The following CRIM1 variants were observed in gnomAD, a reference collection of about 807,000 sequenced individuals.
CRIM1 encodes the protein cysteine rich transmembrane BMP regulator 1.
In CRIM1, 32 loss-of-function variants were observed where a neutral mutation model predicts 116.4. The observed-to-expected ratio is 0.27, with a 90% CI of 0.21 to 0.37. CRIM1 has a LOEUF of 0.37. Ranked by LOEUF, CRIM1 falls within the 10% of genes least tolerant of loss-of-function variation. The pLI, the probability that CRIM1 is intolerant of heterozygous loss-of-function variation, is 1.00. For synonymous variants in CRIM1, 590 were observed against 509.2 expected (o/e 1.16, Z -2.13); for missense variants, 1,331 against 1,354.8 (o/e 0.98, Z 0.28).
chr2:36,441,410 A>G lies in CRIM1; in HGVS notation c.658A>G (p.Lys220Glu). 1.9e-6 allele frequency: 3 copies of G among 1,614,160 alleles called. No individual in the cohort carries two copies. Among genetic ancestry groups the G allele is most frequent in the Non-Finnish European group, 2.5e-6 (3 of 1,180,026 alleles). Residue 220 changes from lysine to glutamate, a missense_variant, in exon 3 of 17, where the codon AAA (lysine) becomes GAA (glutamate). Physicochemically the swap from Lys to Glu is moderately conservative, Grantham distance 56. This residue lies in a region of CRIM1 where 690 missense variants were observed against 676.0 expected (regional missense o/e 1.02). Coordinates refer to ENST00000280527, the MANE Select transcript of CRIM1 (RefSeq NM_016441.3). ...CVCNPAGCLRKVCQPGNLNIL... is the reference protein window; with the variant it reads ...CVCNPAGCLREVCQPGNLNIL... Reference sequence around the variant, plus strand: ...GTGCAACCCCGCAGGCTGTCTGCGCAAAGTCTGCCAGCCGGGAAACCTGAA... The same window carrying G: ...GTGCAACCCCGCAGGCTGTCTGCGCGAAGTCTGCCAGCCGGGAAACCTGAA...
intron 11 of CRIM1, among the ~76,000 whole-genome samples, chr2:36,516,339 G>A (rs185035202): frequency 7.6e-4 from 115 of 152,180 alleles, no homozygotes; most frequent in African/African-American, 2.3e-3. Flanking sequence ...CTTTCTCGGC[G>A]GGATTCAACA....
At chr2:36,535,104 A>AGAGGGAAG (rs1371783627) in intron 13 of CRIM1, among the ~76,000 whole-genome samples, 3 of 118,432 alleles carry the variant, frequency 2.5e-5, no homozygotes, top group Non-Finnish European at 1.7e-5. Flanking sequence ...AATGAAGGAG[A>AGAGGGAAG]GAGGGAAGGA....
At chr2:36,533,410 G>A (rs1666252272) in intron 13 of CRIM1, among the ~76,000 whole-genome samples, 2 of 132,764 alleles carry the variant, frequency 1.5e-5, no homozygotes, top group African/African-American at 3.0e-5. Context: ...CCAACACAAT[G>A]AGACCCCATC....
At chr2:36,534,120 GA>G (rs1377935438) in intron 13 of CRIM1, among the ~76,000 whole-genome samples, 1 of 139,928 alleles carries the variant, frequency 7.1e-6, no homozygotes, top group African/African-American at 2.7e-5. Context: ...GGAAGGAGGG[GA>G]AAGGAGGGAA....
intron 2 of CRIM1, among the ~76,000 whole-genome samples, chr2:36,423,949 A>G (rs1176043300): frequency 2.0e-5 from 3 of 152,200 alleles, no homozygotes; most frequent in African/African-American, 7.2e-5. Flanking sequence ...AAGTGGTAGA[A>G]CAAACTAGGC....
intron 13 of CRIM1, among the ~76,000 whole-genome samples, chr2:36,533,554 A>C (rs966722035): frequency 6.6e-6 from 1 of 152,164 alleles, no homozygotes; most frequent in African/African-American, 2.4e-5. Context: ...TGATTGCACC[A>C]CTACACTCCA....
intron 7 of CRIM1, among the ~76,000 whole-genome samples, chr2:36,489,646 C>A (rs1440679848): frequency 6.6e-6 from 1 of 152,232 alleles, no homozygotes; most frequent in Non-Finnish European, 1.5e-5. Flanking sequence ...CTTCCTAACA[C>A]TGAGATCTGC....
intron 1 of CRIM1, among the ~76,000 whole-genome samples, chr2:36,370,687 A>G (rs1669886696): frequency 2.0e-5 from 3 of 152,186 alleles, no homozygotes; most frequent in African/African-American, 7.2e-5. Flanking sequence ...TTGAGTGATA[A>G]TATTTCTTGA....
chr2:36,497,345 G>A (rs143273642), intron 7 of CRIM1, among the ~76,000 whole-genome samples: 87 of 152,182 alleles, frequency 5.7e-4, no homozygotes, highest in African/African-American at 1.8e-3. Flanking sequence ...TGCCTTCTAC[G>A]CTCTCTCATA....
intron 7 of CRIM1, among the ~76,000 whole-genome samples, chr2:36,480,189 A>G (rs1046931308): frequency 1.3e-5 from 2 of 152,150 alleles, no homozygotes; most frequent in African/African-American, 2.4e-5. Context: ...TGGCTTTGCA[A>G]TTCCTCTAGT....
At chr2:36,436,568 A>C (rs182615671) in intron 2 of CRIM1, among the ~76,000 whole-genome samples, 161 of 152,336 alleles carry the variant, frequency 1.1e-3, no homozygotes, top group Non-Finnish European at 1.8e-3. Flanking sequence ...AAATCAGGTA[A>C]AAAATGGGAG....
chr2:36,358,766 C>A (rs1669026213), intron 1 of CRIM1, among the ~76,000 whole-genome samples: 1 of 145,402 alleles, frequency 6.9e-6, no homozygotes, highest in African/African-American at 2.7e-5. Context: ...AGGGCACTTC[C>A]TTTAAAAAAA....
chr2:36,362,138 A>T (rs1669265039), intron 1 of CRIM1, among the ~76,000 whole-genome samples: 2 of 152,092 alleles, frequency 1.3e-5, no homozygotes, highest in African/African-American at 4.8e-5. Flanking sequence ...AAGACTGCAA[A>T]AAGTCTATTA....
chr2:36,406,751 T>G (rs924866185), intron 2 of CRIM1, among the ~76,000 whole-genome samples: 5 of 152,176 alleles, frequency 3.3e-5, no homozygotes, highest in African/African-American at 1.2e-4. Flanking sequence ...GTGTACAGAT[T>G]CCTAAATTTT....
Position 36,470,734 on chromosome 2 carries a change from C to G in CRIM1, c.991+6079C>G, listed in dbSNP as rs1188289581. On this transcript the variant is annotated intron_variant, in intron 5 of 16. Transcript: ENST00000280527. The stretch of plus-strand genomic sequence containing the variant: ...TTGTTTTCGTGCCTAACACAACATC[C>G]ATTCTGCAGCCCATGGACCAAGGAG... 3.3e-5 allele frequency among the ~76,000 whole-genome samples: 5 copies of G among 152,208 alleles called. No homozygotes were observed. In the East Asian group the frequency reaches 7.7e-4, roughly 23 times the overall value.
rs538025105 is a variant in CRIM1 at position 36,459,249 on chromosome 2, C to T, written c.870-5285C>T. Among the ~76,000 whole-genome samples the T allele has an allele frequency of 7.2e-5, 11 of 152,240 alleles. No homozygotes were observed. The South Asian group carries it at 2.3e-3, about 32-fold the overall frequency. On this transcript the variant is annotated intron_variant, in intron 4 of 16. Coordinates refer to ENST00000280527, the MANE Select transcript of CRIM1 (RefSeq NM_016441.3). Reference sequence around the variant, plus strand: ...ATTCTGGAGCCGCTCCCCAAACCTGCAGAAAAACAATGTTTGAGTGGGTAC... The same window carrying T: ...ATTCTGGAGCCGCTCCCCAAACCTGTAGAAAAACAATGTTTGAGTGGGTAC...
At chr2:36,526,408 T>G (rs143453536) in intron 13 of CRIM1, among the ~76,000 whole-genome samples, 1 of 152,242 alleles carries the variant, frequency 6.6e-6, no homozygotes, top group Non-Finnish European at 1.5e-5. Flanking sequence ...TACTTAGCCA[T>G]GCAAGAGTGT....
At chr2:36,428,938 C>T (rs1194376785) in intron 2 of CRIM1, among the ~76,000 whole-genome samples, 8 of 152,212 alleles carry the variant, frequency 5.3e-5, no homozygotes, top group Admixed American at 3.3e-4. Flanking sequence ...GGTGTGGCCA[C>T]GTGACTGAGT....
chr2:36,398,831 T>C (rs779789428), intron 2 of CRIM1, among the ~76,000 whole-genome samples: 1 of 152,218 alleles, frequency 6.6e-6, no homozygotes, highest in Non-Finnish European at 1.5e-5. Context: ...TATTCAGGTA[T>C]ATATTGTATA....
Sources: gnomAD v4.1 joint callset for allele counts (sites outside exome capture counted in the v4.1 genomes callset) on GRCh38, gnomAD v4.1.1 for gene constraint, gnomAD v4.1.1 regional missense constraint, MANE v1.5 for transcripts, NCBI Gene and HGNC (gene_info 2026-07-23, HGNC 2026-07-21) for gene names.